CPSF2: variants seen among roughly 807,000 people sequenced by gnomAD.
CPSF2 encodes the protein cleavage and polyadenylation specific factor 2.
In CPSF2, 51 loss-of-function variants were observed where a neutral mutation model predicts 84.2. That is an observed-to-expected ratio of 0.61 (90% CI 0.48 to 0.77). The LOEUF (loss-of-function observed/expected upper bound fraction) is 0.77, where lower values mean the gene tolerates loss of function less well. CPSF2 is among the 30% of genes least tolerant of loss of function. The pLI is 0.00. For missense variants in CPSF2, 641 were observed against 929.4 expected (o/e 0.69, Z 4.03); for synonymous variants, 286 against 311.9 (o/e 0.92, Z 0.87).
intron 6 of CPSF2, among the ~76,000 whole-genome samples, chr14:92,137,413 T>C (rs2069014675): frequency 6.6e-6 from 1 of 152,172 alleles, no homozygotes; most frequent in African/African-American, 2.4e-5. Context: ...TTTGCCATGC[T>C]GCCCAGGCTG....
chr14:92,157,963 C>A lies in CPSF2; in HGVS notation c.1821+79C>A. ...TTAGGACAGATAACATTAGAAATAC[C>A]GAGATGTGTGAGACAGACATGGATG... is the stretch of plus-strand genomic sequence containing the variant. On this transcript the variant is annotated intron_variant, in intron 13 of 15. Coordinates refer to ENST00000298875, the MANE Select transcript of CPSF2 (RefSeq NM_017437.3). The surrounding 1 kb of genome is among the most constrained non-coding windows in gnomAD (Gnocchi z 4.0). 1.0e-6 allele frequency: 1 copy of A among 986,552 alleles called. No individual in the cohort carries two copies. The highest frequency in any genetic ancestry group is 1.6e-6 in the Non-Finnish European group (1 of 627,174). The allele number at this position is 986,552 out of a possible 1,614,324, so 61.1% of individuals were successfully genotyped here. A position where few individuals can be genotyped will look rare whatever the true frequency, so the allele number is the denominator to read the frequency against.
rs185519552 is a variant in CPSF2, at chr14:92,162,110, G to A, written c.*366G>A. 9.0e-5 allele frequency: 14 copies of A among 155,152 alleles called. No homozygotes were observed. The highest frequency in any genetic ancestry group is 3.3e-3 in the Middle Eastern group (1 of 302). The allele number at this position is 155,152 out of a possible 1,614,324, so 9.6% of individuals were successfully genotyped here. ...ATTTTTGCATGAGTTCTTACAAACT[G>A]TTTGTTATATTTTCTGGAATGATAA... On this transcript the variant is annotated 3_prime_UTR_variant, in exon 16 of 16. Transcript: ENST00000298875.
chr14:92,155,502 A>T (rs2069277963), intron 11 of CPSF2, among the ~76,000 whole-genome samples, 179 bp downstream of exon 11: 1 of 152,226 alleles, frequency 6.6e-6, no homozygotes, highest in African/African-American at 2.4e-5. Flanking sequence ...AAAAATAGAG[A>T]TGCTGAGAAA....
At chr14:92,134,402 C>G (rs758079128) in intron 5 of CPSF2, 47 bp downstream of exon 5, 14 of 1,277,992 alleles carry the variant, frequency 1.1e-5, no homozygotes, top group Non-Finnish European at 3.4e-6. Context: ...TGGGGTTTAA[C>G]TTGCTGGAAA....
intron 15 of CPSF2, 80 bp downstream of exon 15, chr14:92,161,326 T>G: frequency 1.4e-6 from 2 of 1,465,398 alleles, no homozygotes; most frequent in Non-Finnish European, 1.8e-6. Context: ...AATTCTTGTT[T>G]GGTATTTTCA....
Position 92,157,727 on chromosome 14 carries a change from A to G in CPSF2, c.1664A>G (p.Gln555Arg). Residue 555 changes from glutamine (Q) to arginine (R), a missense_variant, in exon 13 of 16, where the codon CAG becomes CGG. Gln to Arg is a conservative substitution (Grantham distance 43, BLOSUM62 1). This residue lies in a region of CPSF2 where 430 missense variants were observed against 553.6 expected (regional missense o/e 0.78). Coordinates refer to ENST00000298875, the MANE Select transcript of CPSF2 (RefSeq NM_017437.3). This position sits in a 1 kb window ranked among gnomAD's most constrained non-coding sequence, Gnocchi z 4.0. ...GATTCCATTAAAAAAATCATTAATC[A>G]GATGAAACCACGACAGTTGATCATC... The part of the protein sequence containing the change: ...DGDSIKKIIN[Q>R]MKPRQLIIVH... The G allele has an allele frequency of 6.2e-7, 1 of 1,614,170 alleles. No individual in the cohort carries two copies. Among genetic ancestry groups the G allele is most frequent in the East Asian group, 2.2e-5 (1 of 44,876 alleles).
chr14:92,155,782 A>G (rs945464811), intron 11 of CPSF2, among the ~76,000 whole-genome samples: 21 of 151,982 alleles, frequency 1.4e-4, no homozygotes, highest in South Asian at 1.0e-3. Context: ...AAAAAAAAAA[A>G]AGAACTTTGG....
At chr14:92,149,954 C>T (rs184796230) in intron 9 of CPSF2, among the ~76,000 whole-genome samples, 1 of 152,054 alleles carries the variant, frequency 6.6e-6, no homozygotes, top group African/African-American at 2.4e-5. Context: ...TGCGCCTGGC[C>T]TAGTAAAAGA....
chr14:92,126,046 T>C (rs549310272), intron 1 of CPSF2, 76 bp from the exon 2 acceptor site: 5 of 152,360 alleles, frequency 3.3e-5, no homozygotes, highest in Non-Finnish European at 5.9e-5. Context: ...TAGGGCAAGA[T>C]ACAAATTAAA....
intron 7 of CPSF2, among the ~76,000 whole-genome samples, chr14:92,141,873 C>A (rs1567020687): frequency 6.6e-6 from 1 of 152,172 alleles, no homozygotes; most frequent in Non-Finnish European, 1.5e-5. Flanking sequence ...GTGATACACA[C>A]ACCATTTTCT....
In CPSF2 at chr14:92,162,490, T is replaced by A. The variant is rs571305103; in HGVS notation, c.*746T>A. 3.9e-5 allele frequency: 6 copies of A among 152,496 alleles called. No individual in the cohort carries two copies. In the East Asian group the frequency reaches 1.2e-3, roughly 29 times the overall value. The allele number at this position is 152,496 out of a possible 1,614,324, so 9.4% of individuals were successfully genotyped here. A position where few individuals can be genotyped will look rare whatever the true frequency, so the allele number is the denominator to read the frequency against. On this transcript the variant is annotated 3_prime_UTR_variant, in exon 16 of 16. Transcript: ENST00000298875. ...GGGTTCTGCATACATTTTAGAAACA[T>A]CTTAGCCGTAAGTTAGGTCCTGTGT...
Position 92,143,295 on chromosome 14 carries a change from G to A in CPSF2, c.1140+1G>A, listed in dbSNP as rs1029661122. ...TTCTGAAAAAATTACAGAAATAGAG[G>A]TAAGCACTTGTATGTGAACTTTATC... On this transcript the variant is annotated splice_donor_variant, in intron 9 of 15. Coordinates refer to ENST00000298875, the MANE Select transcript of CPSF2 (RefSeq NM_017437.3). LOFTEE classifies it high-confidence loss of function. 6.3e-7 allele frequency: 1 copy of A among 1,577,448 alleles called. No individual in the cohort carries two copies. Among genetic ancestry groups the A allele is most frequent in the East Asian group, 2.2e-5 (1 of 44,638 alleles).
rs2069420509 is a variant in CPSF2 at position 92,164,690 on chromosome 14, T to G, written c.*2946T>G. ...AAATATCATTGTAAACATTTCTATA[T>G]TTTTAGAAATATCTTGGGTGGCCTG... On this transcript the variant is annotated 3_prime_UTR_variant, in exon 16 of 16. Coordinates refer to ENST00000298875, the MANE Select transcript of CPSF2 (RefSeq NM_017437.3). 1 of 152,242 alleles carries G rather than the reference T, an allele frequency of 6.6e-6. No individual in the cohort carries two copies. The highest frequency in any genetic ancestry group is 1.5e-5 in the Non-Finnish European group (1 of 68,046). 9.4% of individuals were successfully genotyped at this position (152,242 alleles called of 1,614,324 possible).
chr14:92,142,012 C>G (rs2069085046), intron 7 of CPSF2, 152 bp from the exon 8 acceptor site: 1 of 547,562 alleles, frequency 1.8e-6, no homozygotes. Flanking sequence ...TTGTAATGAC[C>G]TGAACAAAAT....
At chr14:92,152,910 T>C (rs900724940) in intron 9 of CPSF2, among the ~76,000 whole-genome samples, 1 of 152,106 alleles carries the variant, frequency 6.6e-6, no homozygotes, top group Non-Finnish European at 1.5e-5. Context: ...GAACTACTGA[T>C]TTAATCATTC....
chr14:92,168,608 A>T lies in CPSF2; in HGVS notation c.*6864A>T, dbSNP rs2069481184. ...AAAATAGAAGTTTGGAGAGTTTGAAATCTCTCCTCGTGGCTGGACGCCGTG... is the reference window on the plus strand; with the variant it reads ...AAAATAGAAGTTTGGAGAGTTTGAATTCTCTCCTCGTGGCTGGACGCCGTG... On this transcript the variant is annotated 3_prime_UTR_variant, in exon 16 of 16. Transcript: ENST00000298875. The T allele has an allele frequency of 1.3e-5, 2 of 152,148 alleles. No homozygotes were observed. The highest frequency in any genetic ancestry group is 2.9e-5 in the Non-Finnish European group (2 of 68,052). The allele number at this position is 152,148 out of a possible 1,614,324, so 9.4% of individuals were successfully genotyped here.
chr14:92,145,817 A>C (rs1247494831), intron 9 of CPSF2, among the ~76,000 whole-genome samples: 1 of 152,224 alleles, frequency 6.6e-6, no homozygotes, highest in Non-Finnish European at 1.5e-5. Flanking sequence ...CAGCCAAAAC[A>C]TCAAATGTTA....
chr14:92,125,391 A>G (rs1489513951), intron 1 of CPSF2, among the ~76,000 whole-genome samples: 1 of 152,214 alleles, frequency 6.6e-6, no homozygotes, highest in Non-Finnish European at 1.5e-5. Context: ...TCGCAGAGCT[A>G]TAAAATACAA....
intron 9 of CPSF2, among the ~76,000 whole-genome samples, chr14:92,153,242 T>C (rs983548687): frequency 3.3e-5 from 5 of 152,068 alleles, no homozygotes; most frequent in Non-Finnish European, 7.4e-5. Flanking sequence ...GATCTTTTCA[T>C]GGCCAGTAGT....
Sources: allele counts gnomAD v4.1 joint callset (sites outside exome capture counted in the v4.1 genomes callset), GRCh38; gene constraint gnomAD v4.1.1; regional missense constraint gnomAD v4.1.1; non-coding constraint Gnocchi (gnomAD v3.1); transcripts MANE v1.5; gene names NCBI Gene and HGNC (gene_info 2026-07-23, HGNC 2026-07-21).